The following ATM variants were observed in gnomAD, a reference collection of about 807,000 sequenced individuals.
ATM encodes ATM serine/threonine kinase.
ATM carries 308 observed loss-of-function variants against 387.0 expected under a neutral mutation model. The observed-to-expected ratio is 0.80, with a 90% CI of 0.73 to 0.87. The LOEUF (loss-of-function observed/expected upper bound fraction) is 0.87. ATM is among the 40% of genes least tolerant of loss of function. The probability of loss-of-function intolerance (pLI) is 0.00; values close to 1 mark genes in which losing one functional copy is unlikely to be tolerated. For synonymous variants in ATM, 1,156 were observed against 1,187.3 expected (o/e 0.97, Z 0.54); for missense variants, 3,312 against 3,560.9 (o/e 0.93, Z 1.78).
chr11:108,354,792 A>C lies in ATM; in HGVS notation c.8787-19A>C. The C allele has an allele frequency of 6.2e-7, 1 of 1,607,682 alleles. No homozygotes were observed. Among genetic ancestry groups the C allele is most frequent in the Non-Finnish European group, 8.5e-7 (1 of 1,174,112 alleles). ...TTGGTGTGTAACAAAATCCGTATTT[A>C]TAATGTGTTTGACTCTAGATGCTGT... On this transcript the variant is annotated intron_variant, in intron 60 of 62. Coordinates refer to ENST00000675843, the MANE Select transcript of ATM (RefSeq NM_000051.4).
chr11:108,349,875 G>A (rs1330666663), intron 59 of ATM, among the ~76,000 whole-genome samples: 1 of 152,170 alleles, frequency 6.6e-6, no homozygotes, highest in African/African-American at 2.4e-5. Context: ...GATAGCATTG[G>A]CTTTAGATTG....
At chr11:108,291,192 C>CA (rs1489493671) in intron 29 of ATM, among the ~76,000 whole-genome samples, 1 of 151,906 alleles carries the variant, frequency 6.6e-6, no homozygotes, top group African/African-American at 2.4e-5. Flanking sequence ...GTCTAATTCG[C>CA]ACCACTGCAC....
chr11:108,237,333 A>G (rs2079328259), intron 5 of ATM, among the ~76,000 whole-genome samples: 1 of 152,122 alleles, frequency 6.6e-6, no homozygotes, highest in Non-Finnish European at 1.5e-5. Flanking sequence ...TATTTAGGTC[A>G]TTTTACATTA....
intron 11 of ATM, 104 bp downstream of exon 11, chr11:108,252,135 A>G (rs2080189099): frequency 2.0e-6 from 2 of 1,003,000 alleles, no homozygotes; most frequent in Non-Finnish European, 3.0e-6. Context: ...AATAATGCAG[A>G]ATTTCCCAGA....
Position 108,327,663 on chromosome 11 carries a change from C to T in ATM, c.6994C>T (p.Leu2332Phe), listed in dbSNP as rs762427092. Residue 2332 changes from leucine to phenylalanine, a missense_variant, in exon 48 of 63, where the codon CTT becomes TTT. This residue lies in a region of ATM where 1,405 missense variants were observed against 1,604.4 expected (regional missense o/e 0.88). Transcript: ENST00000675843. ...TATACAGAACAATCCCAGCCTAAAACTTACATACACAGAATGTCTGAGGGT... is the reference window on the plus strand; with the variant it reads ...TATACAGAACAATCCCAGCCTAAAATTTACATACACAGAATGTCTGAGGGT... ...SCAANNPSLKLTYTECLRVCG... is the reference protein window; with the variant it reads ...SCAANNPSLKFTYTECLRVCG... 2 of 1,613,832 alleles carry T rather than the reference C, an allele frequency of 1.2e-6. No homozygotes were observed. The highest frequency in any genetic ancestry group is 1.1e-5 in the South Asian group (1 of 91,070).
At chr11:108,318,099 T>C (rs1314778162) in intron 43 of ATM, among the ~76,000 whole-genome samples, 1 of 152,164 alleles carries the variant, frequency 6.6e-6, no homozygotes, top group Non-Finnish European at 1.5e-5. Flanking sequence ...CGGTGGCTCA[T>C]GCCTATAATC....
intron 15 of ATM, 137 bp downstream of exon 15, chr11:108,257,743 C>G: frequency 1.1e-6 from 1 of 899,184 alleles, no homozygotes; most frequent in South Asian, 1.4e-5. Context: ...CCTCAGCCTC[C>G]CAAGTAATTG....
intron 32 of ATM, chr11:108,295,312 ATT>A: frequency 2.8e-6 from 1 of 363,024 alleles, no homozygotes; most frequent in Non-Finnish European, 5.0e-6. Context: ...TACTGCCTAA[ATT>A]TTTTTTTTAA....
In ATM at chr11:108,259,059, A is replaced by T. The variant is rs587779821; in HGVS notation, c.2450A>T (p.Asp817Val). The part of the protein sequence containing the change: ...LTSKLMNDIA[D>V]ICKSLASFIK... ...TCAAAGCTAATGAATGACATTGCAG[A>T]TATTTGTAAAAGTTTAGTAAGTATG... The change falls in exon 16 of 63, where the codon GAT (aspartate) becomes GTT (valine). Residue 817 changes from aspartate (D) to valine (V), a missense_variant. Asp to Val is a radical substitution (Grantham distance 152, BLOSUM62 -3). This residue lies in a region of ATM where 1,791 missense variants were observed against 1,804.5 expected (regional missense o/e 0.99). Transcript: ENST00000675843. The T allele has an allele frequency of 1.5e-5, 25 of 1,613,190 alleles. No individual in the cohort carries two copies. The highest frequency in any genetic ancestry group is 1.9e-5 in the Non-Finnish European group (23 of 1,179,706).
At chr11:108,272,220 C>T (rs1206564358) in intron 20 of ATM, among the ~76,000 whole-genome samples, 4 of 152,136 alleles carry the variant, frequency 2.6e-5, no homozygotes, top group African/African-American at 9.7e-5. Context: ...AAGAAATCTT[C>T]AATATACCAA....
At position 108,289,939 on chromosome 11, in the gene ATM, C is replaced by T. The variant is rs555056183; in HGVS notation, c.4436+138C>T. On this transcript the variant is annotated intron_variant, in intron 29 of 62. Coordinates refer to ENST00000675843, the MANE Select transcript of ATM (RefSeq NM_000051.4). ...TGGGTGCAGTCACGGCTCACTGCATCCTCAACCTCCTGGGTTCAGATTATC... is the reference window on the plus strand; with the variant it reads ...TGGGTGCAGTCACGGCTCACTGCATTCTCAACCTCCTGGGTTCAGATTATC... 6 of 723,468 alleles carry T rather than the reference C, an allele frequency of 8.3e-6. No individual in the cohort carries two copies. The Admixed American group carries it at 1.5e-4, about 18-fold the overall frequency. The allele number at this position is 723,468 out of a possible 1,614,324, so 44.8% of individuals were successfully genotyped here. A position where few individuals can be genotyped will look rare whatever the true frequency, so the allele number is the denominator to read the frequency against.
chr11:108,237,111 C>T (rs1338211839), intron 5 of ATM, among the ~76,000 whole-genome samples: 1 of 152,070 alleles, frequency 6.6e-6, no homozygotes, highest in Non-Finnish European at 1.5e-5. Context: ...CTAATCAGTA[C>T]CCTCACTCCT....
chr11:108,325,447 A>C lies in ATM; in HGVS notation c.6710A>C (p.Lys2237Thr), dbSNP rs35118109. The C allele has an allele frequency of 1.1e-5, 18 of 1,613,720 alleles. No homozygotes were observed. The highest frequency in any genetic ancestry group is 1.4e-5 in the Non-Finnish European group (17 of 1,179,904). Residue 2237 changes from lysine (K) to threonine (T), a missense_variant, in exon 46 of 63, where the codon AAG (lysine) becomes ACG (threonine). Physicochemically the swap from Lys to Thr is moderately conservative, Grantham distance 78. Coordinates refer to ENST00000675843, the MANE Select transcript of ATM (RefSeq NM_000051.4). ...GTCATTTTGGAGATCCTGATGGAAA[A>C]GGAAATGGACAACTCACAAAGAGAA... ...RTVILEILME[K>T]EMDNSQRECI...
chr11:108,353,297 T>C (rs993362318), intron 59 of ATM, among the ~76,000 whole-genome samples: 1 of 152,070 alleles, frequency 6.6e-6, no homozygotes, highest in African/African-American at 2.4e-5. Context: ...TATAGGCACC[T>C]GCTACCACAC....
intron 59 of ATM, among the ~76,000 whole-genome samples, chr11:108,349,887 A>C (rs999685805): frequency 5.1e-4 from 78 of 152,186 alleles, no homozygotes; most frequent in African/African-American, 1.9e-3. Flanking sequence ...TTTAGATTGG[A>C]GGCATGTTAG....
In ATM at chr11:108,289,723, T is replaced by G. The variant is rs587782126; in HGVS notation, c.4358T>G (p.Ile1453Arg). 4 of 1,613,680 alleles carry G rather than the reference T, an allele frequency of 2.5e-6. No homozygotes were observed. The East Asian group carries it at 6.7e-5, about 27-fold the overall frequency. ...TTTGTTAGTTTATTACTGAAAGATATAAAAAGTGGCTTAGGAGGAGCTTGG... is the reference window on the plus strand; with the variant it reads ...TTTGTTAGTTTATTACTGAAAGATAGAAAAAGTGGCTTAGGAGGAGCTTGG... Reference protein sequence around the residue: ...HLFVSLLLKDIKSGLGGAWAF... With the variant: ...HLFVSLLLKDRKSGLGGAWAF... Residue 1453 changes from isoleucine to arginine, a missense_variant, in exon 29 of 63, where the codon ATA becomes AGA. Coordinates refer to ENST00000675843, the MANE Select transcript of ATM (RefSeq NM_000051.4).
chr11:108,310,778 T>C (rs1262946208), intron 39 of ATM, among the ~76,000 whole-genome samples: 1 of 152,212 alleles, frequency 6.6e-6, no homozygotes, highest in Admixed American at 6.5e-5. Context: ...TTTATTTCTG[T>C]GACTAATTAA....
At chr11:108,295,146 A>G in intron 32 of ATM, 87 bp downstream of exon 32, 11 of 1,536,802 alleles carry the variant, frequency 7.2e-6, no homozygotes, top group Non-Finnish European at 9.9e-6. Context: ...TTTCATTGTC[A>G]CAGACTTAGT....
intron 61 of ATM, among the ~76,000 whole-genome samples, chr11:108,356,819 C>T (rs1018312886): frequency 1.3e-5 from 2 of 152,148 alleles, no homozygotes; most frequent in Non-Finnish European, 2.9e-5. Context: ...TGACAGTGGC[C>T]AGATCCTTTG....
Sources: allele counts gnomAD v4.1 joint callset (sites outside exome capture counted in the v4.1 genomes callset), GRCh38; gene constraint gnomAD v4.1.1; regional missense constraint gnomAD v4.1.1; transcripts MANE v1.5; gene names NCBI Gene and HGNC (gene_info 2026-07-23, HGNC 2026-07-21).